Variants in ZNF699 observed in about 807,000 individuals in gnomAD.
ZNF699 encodes hangover homolog.
In ZNF699, 18 loss-of-function variants were observed where a neutral mutation model predicts 22.5. The observed-to-expected ratio is 0.80, with a 90% CI of 0.55 to 1.19. The LOEUF (loss-of-function observed/expected upper bound fraction) is 1.19. Among genes scored for constraint, ZNF699 ranks in the 50% most tolerant of loss-of-function variants. ZNF699 has a pLI of 0.00. For missense variants in ZNF699, 670 were observed against 763.4 expected (o/e 0.88, Z 1.44); for synonymous variants, 241 against 262.3 (o/e 0.92, Z 0.78).
intron 3 of ZNF699, 28 bp downstream of exon 3, chr19:9,302,350 C>A: frequency 6.2e-7 from 1 of 1,612,270 alleles, no homozygotes; most frequent in Non-Finnish European, 8.5e-7. Flanking sequence ...TTCTAAACAA[C>A]TACATGAAAG....
In ZNF699 at chr19:9,294,914, C is replaced by T. The variant is rs894810900; in HGVS notation, c.*561G>A. 7 of 152,088 alleles carry T rather than the reference C, an allele frequency of 4.6e-5. 1 individual carries two copies. Among genetic ancestry groups the T allele is most frequent in the Admixed American group, 3.9e-4 (6 of 15,268 alleles). The allele number at this position is 152,088 out of a possible 1,614,324, so 9.4% of individuals were successfully genotyped here. ...TCTGCCATGTAGACTAAAAACAAAA[C>T]ATCAACAAAAATCAATATTTGGTTT... On this transcript the variant is annotated 3_prime_UTR_variant, in exon 6 of 6. Coordinates refer to ENST00000591998, the MANE Select transcript of ZNF699 (RefSeq NM_198535.3).
chr19:9,304,110 C>T (rs1049873435), intron 2 of ZNF699, among the ~76,000 whole-genome samples: 26 of 152,062 alleles, frequency 1.7e-4, no homozygotes, highest in Non-Finnish European at 1.0e-4. Context: ...CGTGAGCCAC[C>T]GTGCCCAGCC....
intron 2 of ZNF699, among the ~76,000 whole-genome samples, chr19:9,304,726 C>G (rs1359648857): frequency 6.6e-6 from 1 of 152,110 alleles, no homozygotes; most frequent in African/African-American, 2.4e-5. Context: ...GAGATTGAGA[C>G]CATCCTGGCC....
At chr19:9,298,507 A>C (rs927738556) in intron 3 of ZNF699, among the ~76,000 whole-genome samples, 2 of 152,050 alleles carry the variant, frequency 1.3e-5, no homozygotes, top group African/African-American at 4.8e-5. Flanking sequence ...GAACTGATCT[A>C]ATGTTCACAC....
rs376274203 is a variant in ZNF699 at position 9,297,282 on chromosome 19, C to A, written c.470+14G>T. On this transcript the variant is annotated intron_variant, in intron 5 of 5. Transcript: ENST00000591998. The surrounding 1 kb of genome is among the most constrained non-coding windows in gnomAD (Gnocchi z 4.3). ...CTCCTGAGGCACTTTCTCTTTCTCA[C>A]GAATGGCACTCACCTCAAATGTCTC... The A allele has an allele frequency of 6.4e-7, 1 of 1,565,446 alleles. No individual in the cohort carries two copies. The highest frequency in any genetic ancestry group is 1.4e-5 in the African/African-American group (1 of 71,398).
chr19:9,300,440 C>T (rs1454150903), intron 3 of ZNF699, among the ~76,000 whole-genome samples: 3 of 152,170 alleles, frequency 2.0e-5, no homozygotes, highest in African/African-American at 7.2e-5. Context: ...GAATTGCACT[C>T]CTTTTACCCA....
At position 9,291,490 on chromosome 19, in the gene ZNF699, G is replaced by A. The variant is rs1220141989; in HGVS notation, c.*3985C>T. 6.6e-6 allele frequency: 1 copy of A among 151,960 alleles called. No individual in the cohort carries two copies. The highest frequency in any genetic ancestry group is 1.5e-5 in the Non-Finnish European group (1 of 68,004). The allele number at this position is 151,960 out of a possible 1,614,324, so 9.4% of individuals were successfully genotyped here. On this transcript the variant is annotated 3_prime_UTR_variant, in exon 6 of 6. Transcript: ENST00000591998. ...ATCACCTCAGCAAAGAGGAAACCATGGTCTCTTTGATAAATCTATATACAC... is the reference window on the plus strand; with the variant it reads ...ATCACCTCAGCAAAGAGGAAACCATAGTCTCTTTGATAAATCTATATACAC...
Position 9,296,635 on chromosome 19 carries a change from T to A in ZNF699, c.769A>T (p.Thr257Ser). The A allele has an allele frequency of 2.5e-6, 4 of 1,613,918 alleles. No homozygotes were observed. The highest frequency in any genetic ancestry group is 3.4e-6 in the Non-Finnish European group (4 of 1,179,976). Residue 257 changes from threonine (T) to serine (S), a missense_variant, in exon 6 of 6, where the codon ACC (threonine) becomes TCC (serine). Thr to Ser is a moderately conservative substitution (Grantham distance 58). Coordinates refer to ENST00000591998, the MANE Select transcript of ZNF699 (RefSeq NM_198535.3). ...EEKPYECKEC[T>S]KAFSCSSFFR... The stretch of plus-strand genomic sequence containing the variant: ...AATGAGGAACAGCTGAAGGCTTTGG[T>A]ACATTCCTTACATTCATAGGGCTTC...
Position 9,297,443 on chromosome 19 carries a change from G to A in ZNF699, c.323C>T (p.Ala108Val), listed in dbSNP as rs764490064. The A allele has an allele frequency of 4.4e-5, 70 of 1,584,776 alleles. No individual in the cohort carries two copies. The highest frequency in any genetic ancestry group is 6.0e-5 in the Non-Finnish European group (70 of 1,173,258). ...TTTTTCTCCACAAATATCTTGTGAAGCAACTGATTCATTAGTTTTAAGTTG... is the reference window on the plus strand; with the variant it reads ...TTTTTCTCCACAAATATCTTGTGAAACAACTGATTCATTAGTTTTAAGTTG... ...ETQLKTNESV[A>V]SQDICGEKIS... The change falls in exon 5 of 6, where the codon GCT (alanine) becomes GTT (valine). Residue 108 changes from alanine to valine, a missense_variant. Physicochemically the swap from Ala to Val is moderately conservative, Grantham distance 64. Transcript: ENST00000591998. This position sits in a 1 kb window ranked among gnomAD's most constrained non-coding sequence, Gnocchi z 4.3.
rs1304493854 is a variant in ZNF699 at position 9,293,342 on chromosome 19, G to A, written c.*2133C>T. 2.0e-5 allele frequency among the ~76,000 whole-genome samples: 3 copies of A among 151,948 alleles called. No individual in the cohort carries two copies. Among genetic ancestry groups the A allele is most frequent in the Non-Finnish European group, 4.4e-5 (3 of 68,004 alleles). On this transcript the variant is annotated 3_prime_UTR_variant, in exon 6 of 6. Coordinates refer to ENST00000591998, the MANE Select transcript of ZNF699 (RefSeq NM_198535.3). ...CTGGAACTTTCATGCATTGTTTTGG[G>A]GATTATTCGTGGAATCGATATTTTT... is the stretch of plus-strand genomic sequence containing the variant.
rs1048045134 is a variant in ZNF699 at position 9,294,165 on chromosome 19, C to T, written c.*1310G>A. The T allele has an allele frequency of 6.6e-6, 1 of 152,154 alleles. No homozygotes were observed. Among genetic ancestry groups the T allele is most frequent in the Non-Finnish European group, 1.5e-5 (1 of 68,014 alleles). 9.4% of individuals were successfully genotyped at this position (152,154 alleles called of 1,614,324 possible). ...CTGCAACATAAGCAAAATGGCAATGCCAGAGCTTGCTAGAAAATCCAAGAA... is the reference window on the plus strand; with the variant it reads ...CTGCAACATAAGCAAAATGGCAATGTCAGAGCTTGCTAGAAAATCCAAGAA... On this transcript the variant is annotated 3_prime_UTR_variant, in exon 6 of 6. Transcript: ENST00000591998.
chr19:9,308,796 A>G (rs1599255951), intron 1 of ZNF699, among the ~76,000 whole-genome samples: 1 of 152,322 alleles, frequency 6.6e-6, no homozygotes, highest in Middle Eastern at 3.4e-3. Context: ...AGTGCAGTAA[A>G]GAAATGAAAA....
chr19:9,303,149 T>A (rs2066314290), intron 2 of ZNF699, among the ~76,000 whole-genome samples: 1 of 152,216 alleles, frequency 6.6e-6, no homozygotes, highest in Admixed American at 6.5e-5. Flanking sequence ...TGACACCAGA[T>A]GTGTGGGGGA....
Position 9,295,984 on chromosome 19 carries a change from G to C in ZNF699, c.1420C>G (p.Gln474Glu). The change falls in exon 6 of 6, where the codon CAG (glutamine) becomes GAG (glutamate). Residue 474 changes from glutamine (Q) to glutamate (E), a missense_variant. Transcript: ENST00000591998. ...TTCCCACACTCCTTACATTCATACT[G>C]TATCTTTCCAGTGTGATCTCTCACA... ...AHVRDHTGKIQYECKECGKTF... is the reference protein window; with the variant it reads ...AHVRDHTGKIEYECKECGKTF... 6.2e-7 allele frequency: 1 copy of C among 1,613,952 alleles called. No individual in the cohort carries two copies. The highest frequency in any genetic ancestry group is 1.1e-5 in the South Asian group (1 of 91,070).
intron 2 of ZNF699, 86 bp downstream of exon 2, chr19:9,304,986 G>C: frequency 1.0e-6 from 1 of 988,978 alleles, no homozygotes; most frequent in South Asian, 1.4e-5. Context: ...AATACAGAAA[G>C]AGATTGCTGG....
Position 9,296,106 on chromosome 19 carries a change from G to T in ZNF699, c.1298C>A (p.Ser433Tyr). The stretch of plus-strand genomic sequence containing the variant: ...TTGATTTTTCACATGTGTATTAAGG[G>T]AAGTGGGAAGGTAGAAGGCCTTTCC... ...ECGKAFYLPT[S>Y]LNTHVKNQSR... is the part of the protein sequence containing the mutation. The change falls in exon 6 of 6, where the codon TCC becomes TAC. Residue 433 changes from serine (S) to tyrosine (Y), a missense_variant. Transcript: ENST00000591998. The T allele has an allele frequency of 6.2e-7, 1 of 1,612,944 alleles. No individual in the cohort carries two copies. Among genetic ancestry groups the T allele is most frequent in the Non-Finnish European group, 8.5e-7 (1 of 1,179,792 alleles).
In ZNF699 at chr19:9,295,688, T is replaced by G; in HGVS notation, c.1716A>C (p.Ser572=). 1 of 1,613,910 alleles carries G rather than the reference T, an allele frequency of 6.2e-7. No homozygotes were observed. The highest frequency in any genetic ancestry group is 8.5e-7 in the Non-Finnish European group (1 of 1,179,944). The change falls in exon 6 of 6, where the codon TCA becomes TCC. Residue 572 remains serine (S), a synonymous_variant. Coordinates refer to ENST00000591998, the MANE Select transcript of ZNF699 (RefSeq NM_198535.3). ...KECGKAFRHS[S]YLTVHARMHT... ...GCATTCTTGCATGTACAGTAAGGTA[T>G]GAAGAATGACGAAATGCTTTCCCAC...
Position 9,296,849 on chromosome 19 carries a change from T to G in ZNF699, c.555A>C (p.Ser185=). Residue 185 remains serine, a synonymous_variant, in exon 6 of 6, where the codon TCA becomes TCC. Transcript: ENST00000591998. The stretch of plus-strand genomic sequence containing the variant: ...ATTTTACTTCAGTATTTCTCTTGAG[T>G]GAATCAAGATTTGGAACTTGGCTGA... ...QTFSQVPNLD[S]LKRNTEVKSC... 1 of 1,614,154 alleles carries G rather than the reference T, an allele frequency of 6.2e-7. No homozygotes were observed. Among genetic ancestry groups the G allele is most frequent in the Non-Finnish European group, 8.5e-7 (1 of 1,180,002 alleles).
intron 1 of ZNF699, among the ~76,000 whole-genome samples, chr19:9,307,597 C>T (rs1338068649): frequency 6.6e-6 from 1 of 152,038 alleles, no homozygotes; most frequent in Non-Finnish European, 1.5e-5. Flanking sequence ...GCTGGAATTT[C>T]AGAGGGTTTA....
Sources: allele counts gnomAD v4.1 joint callset (sites outside exome capture counted in the v4.1 genomes callset), GRCh38; gene constraint gnomAD v4.1.1; non-coding constraint Gnocchi (gnomAD v3.1); transcripts MANE v1.5; gene names NCBI Gene and HGNC (gene_info 2026-07-23, HGNC 2026-07-21).